PUM1: variants seen among roughly 807,000 people sequenced by gnomAD.
PUM1 encodes pumilio homolog 1.
Under a neutral mutation model 131.8 loss-of-function variants are expected in PUM1, and 13 were observed. That is an observed-to-expected ratio of 0.10 (90% CI 0.06 to 0.16). The LOEUF is 0.16. Among genes scored for constraint, PUM1 ranks in the 10% least tolerant of loss-of-function variants. PUM1 has a pLI of 1.00. For synonymous variants in PUM1, 509 were observed against 556.5 expected, an observed-to-expected ratio of 0.91 and a Z score of 1.20; for missense variants, 961 against 1,512.4, an observed-to-expected ratio of 0.64 and a Z score of 6.05.
At chr1:30,953,003 C>CAAAAG (rs1553145265) in intron 15 of PUM1, among the ~76,000 whole-genome samples, 1 of 151,302 alleles carries the variant, frequency 6.6e-6, no homozygotes, top group South Asian at 2.1e-4. Flanking sequence ...CAAAACAAAA[C>CAAAAG]AAAAAAACAA....
At chr1:31,005,440 G>A (rs1057431973) in intron 5 of PUM1, among the ~76,000 whole-genome samples, 3 of 152,148 alleles carry the variant, frequency 2.0e-5, no homozygotes, top group African/African-American at 7.2e-5. Context: ...AAGGTTTCTC[G>A]GGTATTGGCA....
chr1:31,059,908 G>A (rs936907278), intron 1 of PUM1, among the ~76,000 whole-genome samples: 2 of 151,400 alleles, frequency 1.3e-5, no homozygotes, highest in South Asian at 2.1e-4. Context: ...GTGCAATGAC[G>A]CGATCTCGGC....
At chr1:30,977,149 G>A (rs1307759231) in intron 9 of PUM1, among the ~76,000 whole-genome samples, 2 of 152,174 alleles carry the variant, frequency 1.3e-5, no homozygotes, top group African/African-American at 2.4e-5. Flanking sequence ...TAGCCTGGGG[G>A]TAATTTTACT....
rs546021600 is a variant in PUM1 at position 30,970,278 on chromosome 1, T to C, written c.1507-1786A>G. The stretch of plus-strand genomic sequence containing the variant: ...AAAAATGTAAAAAGAGAAGCAACAC[T>C]AATAACCAATTAAATATTTGTTAAG... On this transcript the variant is annotated intron_variant, in intron 10 of 21. Coordinates refer to ENST00000426105, the MANE Select transcript of PUM1 (RefSeq NM_001020658.2). 3.9e-5 allele frequency among the ~76,000 whole-genome samples: 6 copies of C among 152,318 alleles called. No individual in the cohort carries two copies. In the South Asian group the frequency reaches 1.0e-3, roughly 26 times the overall value.
At chr1:31,031,073 CAATA>C (rs1258668820) in intron 2 of PUM1, among the ~76,000 whole-genome samples, 6 of 151,916 alleles carry the variant, frequency 3.9e-5, no homozygotes, top group African/African-American at 9.7e-5. Flanking sequence ...TAGATGAGCA[CAATA>C]AATAGACTCA....
At chr1:31,002,987 A>G (rs1642270718) in intron 5 of PUM1, among the ~76,000 whole-genome samples, 1 of 152,240 alleles carries the variant, frequency 6.6e-6, no homozygotes, top group Admixed American at 6.5e-5. Context: ...TTTTAGTTCT[A>G]AACACCTTTA....
chr1:31,037,493 C>T (rs918510184), intron 2 of PUM1, among the ~76,000 whole-genome samples: 1 of 152,020 alleles, frequency 6.6e-6, no homozygotes, highest in Non-Finnish European at 1.5e-5. Flanking sequence ...CCAAGGCGGG[C>T]GGATCACTTG....
chr1:31,053,024 T>C (rs1181139942), intron 2 of PUM1, among the ~76,000 whole-genome samples: 1 of 148,764 alleles, frequency 6.7e-6, no homozygotes, highest in African/African-American at 2.5e-5. Context: ...CATCTTTTTT[T>C]TTTTTTGAGA....
chr1:30,993,356 A>C (rs892777493), intron 6 of PUM1, among the ~76,000 whole-genome samples: 5 of 151,838 alleles, frequency 3.3e-5, no homozygotes, highest in East Asian at 1.9e-4. Context: ...AAAAAAAAAA[A>C]AAAACAGGGC....
At chr1:31,055,531 G>A (rs193259701) in intron 2 of PUM1, among the ~76,000 whole-genome samples, 11 of 152,298 alleles carry the variant, frequency 7.2e-5, no homozygotes, top group African/African-American at 2.6e-4. Flanking sequence ...CAACTACCCT[G>A]AGTTCCCCAA....
chr1:30,980,333 A>G (rs547371137), intron 8 of PUM1, among the ~76,000 whole-genome samples, 170 bp from the exon 9 acceptor site: 10 of 152,326 alleles, frequency 6.6e-5, no homozygotes, highest in African/African-American at 2.2e-4. Flanking sequence ...TAACTGCTAT[A>G]CTAAAGATTA....
Position 30,969,316 on chromosome 1 carries a change from C to CAAAAA in PUM1, c.1507-829_1507-825dup, listed in dbSNP as rs763999971. On this transcript the variant is annotated intron_variant, in intron 10 of 21. Coordinates refer to ENST00000426105, the MANE Select transcript of PUM1 (RefSeq NM_001020658.2). ...AAAACTCCATTTCAAAACACACACACAAAAAAAAAAAAAAAAAAAAGAAAA... is the reference window on the plus strand; with the variant it reads ...AAAACTCCATTTCAAAACACACACACAAAAAAAAAAAAAAAAAAAAAAAAAGAAAA... Among the ~76,000 whole-genome samples, 48 of 51,052 alleles carry CAAAAA rather than the reference C, an allele frequency of 9.4e-4. 1 individual carries two copies. The highest frequency in any genetic ancestry group is 2.0e-3 in the African/African-American group (27 of 13,486). The allele number at this position is 51,052 out of a possible 152,430, so 33.5% of individuals were successfully genotyped here.
rs1472956648 is a variant in PUM1 at position 31,037,328 on chromosome 1, G to A, written c.364-8464C>T. ...TGACAGAAACTGTCCAAGTATCGGT[G>A]ACGCTTCATTAAAATTATTTTCCAA... On this transcript the variant is annotated intron_variant, in intron 2 of 21. Transcript: ENST00000426105. 4 of 152,270 alleles carry A rather than the reference G, an allele frequency of 2.6e-5. No homozygotes were observed. In the East Asian group the frequency reaches 7.7e-4, roughly 29 times the overall value. 9.4% of individuals were successfully genotyped at this position (152,270 alleles called of 1,614,324 possible). A position where few individuals can be genotyped will look rare whatever the true frequency, so the allele number is the denominator to read the frequency against.
chr1:30,968,307 CA>C lies in PUM1; in HGVS notation c.1645+46del, dbSNP rs761820434. The C allele has an allele frequency of 8.8e-6, 14 of 1,588,714 alleles. No individual in the cohort carries two copies. In the South Asian group the frequency reaches 1.6e-4, roughly 18 times the overall value. On this transcript the variant is annotated intron_variant, in intron 11 of 21. Coordinates refer to ENST00000426105, the MANE Select transcript of PUM1 (RefSeq NM_001020658.2). ...CCCCTCTGTAATCACCTCAAACGTG[CA>C]GCCTTTTTCCCTGCCAAAGTATTAG...
At chr1:30,986,581 C>G (rs1641569670) in intron 7 of PUM1, among the ~76,000 whole-genome samples, 2 of 152,106 alleles carry the variant, frequency 1.3e-5, no homozygotes, top group Non-Finnish European at 1.5e-5. Context: ...TCATCATCAT[C>G]TGTGCATTTC....
intron 7 of PUM1, among the ~76,000 whole-genome samples, chr1:30,984,382 T>C (rs1429205385): frequency 2.0e-5 from 3 of 152,178 alleles, no homozygotes; most frequent in Admixed American, 6.5e-5. Context: ...CTCACACAAA[T>C]GCCATCTGCT....
chr1:30,961,517 C>T (rs1640406548), intron 14 of PUM1, among the ~76,000 whole-genome samples: 1 of 151,946 alleles, frequency 6.6e-6, no homozygotes, highest in South Asian at 2.1e-4. Flanking sequence ...GAGCAAGACC[C>T]TGTCCCAAAC....
At chr1:30,947,273 A>C (rs758561150) in intron 17 of PUM1, among the ~76,000 whole-genome samples, 2 of 152,246 alleles carry the variant, frequency 1.3e-5, no homozygotes, top group African/African-American at 2.4e-5. Context: ...ATATAAAAGA[A>C]ACTGAGACAG....
chr1:31,011,833 A>G (rs1168077177), intron 3 of PUM1, among the ~76,000 whole-genome samples: 1 of 152,228 alleles, frequency 6.6e-6, no homozygotes, highest in East Asian at 1.9e-4. Context: ...AGAGAGATGT[A>G]GAGTTTGTTT....
Sources: gnomAD v4.1 joint callset for allele counts (sites outside exome capture counted in the v4.1 genomes callset) on GRCh38, gnomAD v4.1.1 for gene constraint, MANE v1.5 for transcripts, NCBI Gene and HGNC (gene_info 2026-07-23, HGNC 2026-07-21) for gene names.